Variants in RP1 observed in about 807,000 individuals in gnomAD.
The protein encoded by RP1 is RP1 axonemal microtubule associated, also known as oxygen-regulated protein 1.
A neutral mutation model predicts 14.8 loss-of-function variants in RP1; 16 were observed. The observed-to-expected ratio is 1.08, with a 90% CI of 0.73 to 1.65. The LOEUF (loss-of-function observed/expected upper bound fraction) is 1.65, where lower values mean the gene tolerates loss of function less well. RP1 is among the 40% of genes most tolerant of loss of function. The pLI, the probability that RP1 is intolerant of heterozygous loss-of-function variation, is 0.00. For missense variants in RP1, 2,631 were observed against 2,535.0 expected (o/e 1.04, Z -0.81); for synonymous variants, 876 against 883.6 (o/e 0.99, Z 0.15).
intron 13 of RP1, among the ~76,000 whole-genome samples, chr8:54,701,134 C>G (rs553641193): frequency 6.6e-6 from 1 of 151,946 alleles, no homozygotes; most frequent in Non-Finnish European, 1.5e-5. Context: ...AAATTTCTAT[C>G]GATTTCAGTT....
chr8:54,797,634 A>G (rs892438519), intron 24 of RP1, among the ~76,000 whole-genome samples: 1 of 152,058 alleles, frequency 6.6e-6, no homozygotes, highest in African/African-American at 2.4e-5. Context: ...TGTTAAAACT[A>G]TCCTTCCAAT....
chr8:54,795,780 A>AT (rs1810564140), intron 24 of RP1, among the ~76,000 whole-genome samples: 1 of 151,750 alleles, frequency 6.6e-6, no homozygotes, highest in Non-Finnish European at 1.5e-5. Flanking sequence ...AGCCATCCTT[A>AT]TTTTTTCTTG....
downstream of RP1, among the ~76,000 whole-genome samples, chr8:54,635,174 CATAG>C (rs1425258430): frequency 6.6e-5 from 10 of 151,946 alleles, no homozygotes; most frequent in Non-Finnish European, 1.2e-4. Flanking sequence ...TTTCTCTATG[CATAG>C]ATATTTCATA....
At chr8:54,605,626 G>T (rs1290306121) in intron 1 of RP1, among the ~76,000 whole-genome samples, 1 of 152,104 alleles carries the variant, frequency 6.6e-6, no homozygotes, top group African/African-American at 2.4e-5. Context: ...TCTGTCTAAT[G>T]CTGACAGTGG....
intron 24 of RP1, among the ~76,000 whole-genome samples, chr8:54,789,295 T>TA (rs1175893997): frequency 6.6e-6 from 1 of 152,192 alleles, no homozygotes; most frequent in Non-Finnish European, 1.5e-5. Flanking sequence ...AGTCTGCAGT[T>TA]ATGCCTGTCT....
chr8:54,808,001 A>G (rs952397941), intron 24 of RP1, among the ~76,000 whole-genome samples: 1 of 151,866 alleles, frequency 6.6e-6, no homozygotes, highest in Non-Finnish European at 1.5e-5. Context: ...ACACCTTCTC[A>G]GGAACACTTA....
At position 54,624,832 on chromosome 8, in the gene RP1, A is replaced by T. The variant is rs779397676; in HGVS notation, c.950A>T (p.Asp317Val). 1 of 1,613,716 alleles carries T rather than the reference A, an allele frequency of 6.2e-7. No individual in the cohort carries two copies. Among genetic ancestry groups the T allele is most frequent in the South Asian group, 1.1e-5 (1 of 90,922 alleles). ...SQNLPIYPSE[D>V]DIEKSIIFNQ... is the part of the protein sequence containing the mutation. ...AATTTACCAATATATCCTTCTGAAG[A>T]TGATATTGAGAAATCAATTATTTTT... Residue 317 changes from aspartate (D) to valine (V), a missense_variant, in exon 4 of 4, where the codon GAT becomes GTT. Transcript: ENST00000220676.
At chr8:54,722,058 C>T (rs1255479833) in intron 16 of RP1, among the ~76,000 whole-genome samples, 1 of 151,978 alleles carries the variant, frequency 6.6e-6, no homozygotes, top group Non-Finnish European at 1.5e-5. Flanking sequence ...GCCTGGCCAA[C>T]ATGGTGAAAC....
In RP1 at chr8:54,717,799, C is replaced by T. The variant is rs539671805; in HGVS notation, c.2212-2330C>T. On this transcript the variant is annotated intron_variant, in intron 15 of 22. Coordinates refer to the RP1 transcript ENST00000636932. Reference sequence around the variant, plus strand: ...ACAGATTGGGAAGGAAGAAATAAAACTCTCTTGGCTCACAGATGATATTAG... The same window carrying T: ...ACAGATTGGGAAGGAAGAAATAAAATTCTCTTGGCTCACAGATGATATTAG... Among the ~76,000 whole-genome samples the T allele has an allele frequency of 5.9e-5, 9 of 152,170 alleles. No homozygotes were observed. In the East Asian group the frequency reaches 1.7e-3, roughly 29 times the overall value.
At chr8:54,593,008 A>G (rs556688095) in intron 1 of RP1, among the ~76,000 whole-genome samples, 1 of 152,312 alleles carries the variant, frequency 6.6e-6, no homozygotes, top group East Asian at 1.9e-4. Flanking sequence ...CTGGCTTTCT[A>G]GCCTCTATGA....
intron 1 of RP1, among the ~76,000 whole-genome samples, chr8:54,602,511 C>A (rs1234326237): frequency 6.6e-6 from 1 of 152,078 alleles, no homozygotes; most frequent in Non-Finnish European, 1.5e-5. Context: ...GTGTATGTGT[C>A]TTTATAGCAG....
chr8:54,710,649 G>T (rs995344014), intron 15 of RP1, among the ~76,000 whole-genome samples: 1 of 152,208 alleles, frequency 6.6e-6, no homozygotes, highest in African/African-American at 2.4e-5. Context: ...AGCAATGAAA[G>T]TCGCTGTCAG....
chr8:54,820,048 A>C (rs1305218451), intron 24 of RP1, among the ~76,000 whole-genome samples: 1 of 152,080 alleles, frequency 6.6e-6, no homozygotes, highest in Non-Finnish European at 1.5e-5. Flanking sequence ...CTTCAGGGCA[A>C]CTTCCCTTCT....
At chr8:54,561,430 G>A (rs757520737) in intron 1 of RP1, among the ~76,000 whole-genome samples, 1 of 152,038 alleles carries the variant, frequency 6.6e-6, no homozygotes, top group Non-Finnish European at 1.5e-5. Context: ...ATTTTACTTA[G>A]TATCTTAGAA....
chr8:54,809,955 AG>A (rs1185771911), intron 24 of RP1, among the ~76,000 whole-genome samples: 1 of 152,184 alleles, frequency 6.6e-6, no homozygotes, highest in Non-Finnish European at 1.5e-5. Context: ...TCCAGGTAAA[AG>A]CTCATCTGAA....
intron 22 of RP1, among the ~76,000 whole-genome samples, chr8:54,764,075 C>T (rs867116107): frequency 2.6e-5 from 4 of 152,332 alleles, no homozygotes; most frequent in Admixed American, 6.5e-5. Context: ...GCCCTTTTCA[C>T]GGTCCTCAGC....
intron 24 of RP1, among the ~76,000 whole-genome samples, chr8:54,833,597 G>A (rs1278538137): frequency 6.6e-6 from 1 of 151,934 alleles, no homozygotes; most frequent in Non-Finnish European, 1.5e-5. Context: ...CATATCAGGG[G>A]ACCTTGGCTT....
intron 24 of RP1, among the ~76,000 whole-genome samples, chr8:54,833,659 A>G (rs1498169): frequency 0.31 from 46,476 of 151,912 alleles, 7,324 homozygotes; most frequent in South Asian, 0.37. Flanking sequence ...TTGTTTTCCA[A>G]TAGAAATCAT....
intron 23 of RP1, among the ~76,000 whole-genome samples, chr8:54,779,255 T>C (rs887632426): frequency 2.0e-5 from 3 of 152,200 alleles, no homozygotes; most frequent in Non-Finnish European, 2.9e-5. Flanking sequence ...TCCTGTGTCC[T>C]CCTCTGTCAA....
Sources: allele counts gnomAD v4.1 joint callset (sites outside exome capture counted in the v4.1 genomes callset), GRCh38; gene constraint gnomAD v4.1.1; transcripts MANE v1.5; gene names NCBI Gene and HGNC (gene_info 2026-07-23, HGNC 2026-07-21).